The following DCDC2 variants were observed in gnomAD, a reference collection of about 807,000 sequenced individuals.
The protein encoded by DCDC2 is doublecortin domain containing 2.
Under a neutral mutation model 50.2 loss-of-function variants are expected in DCDC2, and 40 were observed. The observed-to-expected ratio is 0.80, with a 90% CI of 0.62 to 1.04. The LOEUF (loss-of-function observed/expected upper bound fraction) is 1.04, where lower values mean the gene tolerates loss of function less well. DCDC2 is among the 50% of genes least tolerant of loss of function. The pLI is 0.00. For missense variants in DCDC2, 570 were observed against 581.9 expected (o/e 0.98, Z 0.21); for synonymous variants, 234 against 210.6 (o/e 1.11, Z -0.96).
chr6:24,283,274 T>G (rs1455266438), intron 6 of DCDC2, among the ~76,000 whole-genome samples: 1 of 151,722 alleles, frequency 6.6e-6, no homozygotes, highest in Non-Finnish European at 1.5e-5. Context: ...CAACTTAAAA[T>G]TTTTCTCAAC....
Position 24,285,088 on chromosome 6 carries a change from T to C in DCDC2, c.759+3764A>G, listed in dbSNP as rs1763568119. On this transcript the variant is annotated intron_variant, in intron 6 of 9. Transcript: ENST00000378454. The stretch of plus-strand genomic sequence containing the variant: ...CACACTAGAATGAAAGCACCATAAA[T>C]CTAAGTCCTCATCTATCTACCACTA... Among the ~76,000 whole-genome samples the C allele has an allele frequency of 4.0e-5, 6 of 151,814 alleles. 1 individual carries two copies. In the South Asian group the frequency reaches 1.2e-3, roughly 32 times the overall value.
intron 8 of DCDC2, among the ~76,000 whole-genome samples, chr6:24,191,476 G>A (rs948205083): frequency 6.6e-6 from 1 of 152,152 alleles, no homozygotes; most frequent in African/African-American, 2.4e-5. Flanking sequence ...CCAGGGACAG[G>A]TCAAAAAACA....
At chr6:24,196,678 G>T (rs1279153581) in intron 8 of DCDC2, among the ~76,000 whole-genome samples, 1 of 152,160 alleles carries the variant, frequency 6.6e-6, no homozygotes, top group Non-Finnish European at 1.5e-5. Context: ...GACCACCTCA[G>T]CCTCCCAGAA....
chr6:24,199,249 A>C (rs1040721670), intron 8 of DCDC2, among the ~76,000 whole-genome samples: 3 of 152,226 alleles, frequency 2.0e-5, no homozygotes, highest in Admixed American at 1.3e-4. Flanking sequence ...CAGACACCTC[A>C]TAACAGGAGA....
chr6:24,206,709 AAAG>A (rs1447250635), intron 7 of DCDC2, among the ~76,000 whole-genome samples: 5 of 152,252 alleles, frequency 3.3e-5, no homozygotes, highest in Non-Finnish European at 7.3e-5. Context: ...TTTTACCAGA[AAAG>A]AAGAATACAA....
intron 8 of DCDC2, among the ~76,000 whole-genome samples, chr6:24,203,977 G>A (rs555151608): frequency 7.9e-5 from 12 of 152,300 alleles, no homozygotes; most frequent in African/African-American, 1.2e-4. Context: ...TCATTAATAA[G>A]TCAGGAGGCA....
intron 8 of DCDC2, among the ~76,000 whole-genome samples, chr6:24,193,749 T>A (rs1325822196): frequency 6.6e-6 from 1 of 152,120 alleles, no homozygotes; most frequent in East Asian, 1.9e-4. Context: ...TATCTGTATG[T>A]GTTTGTATGT....
chr6:24,207,902 T>G (rs1460102631), intron 7 of DCDC2, among the ~76,000 whole-genome samples: 1 of 152,216 alleles, frequency 6.6e-6, no homozygotes, highest in Non-Finnish European at 1.5e-5. Flanking sequence ...TTTGATACAA[T>G]TAATTCAAAA....
At chr6:24,337,838 T>C (rs572994227) in intron 2 of DCDC2, among the ~76,000 whole-genome samples, 1 of 151,716 alleles carries the variant, frequency 6.6e-6, no homozygotes, top group Non-Finnish European at 1.5e-5. Flanking sequence ...TGAAAGAATA[T>C]TTTATCCCTT....
intron 7 of DCDC2, among the ~76,000 whole-genome samples, chr6:24,237,747 G>A (rs916029100): frequency 2.6e-5 from 4 of 152,112 alleles, no homozygotes. Context: ...CCATAAAAAA[G>A]AATGAAATCA....
chr6:24,281,937 C>T (rs1055588417), intron 6 of DCDC2, among the ~76,000 whole-genome samples: 2 of 152,170 alleles, frequency 1.3e-5, no homozygotes, highest in African/African-American at 4.8e-5. Flanking sequence ...GATTTTTCTA[C>T]TACACTGAAA....
chr6:24,348,708 ATTT>A (rs1400113873), intron 2 of DCDC2, among the ~76,000 whole-genome samples: 1 of 152,206 alleles, frequency 6.6e-6, no homozygotes, highest in African/African-American at 2.4e-5. Context: ...GGTCTATTAT[ATTT>A]TAAACCATTT....
chr6:24,237,186 TAAA>T (rs60077867), intron 7 of DCDC2, among the ~76,000 whole-genome samples: 1 of 146,994 alleles, frequency 6.8e-6, no homozygotes, highest in Non-Finnish European at 1.5e-5. Context: ...CATGAAAAGG[TAAA>T]AAAAAAAAAT....
intron 8 of DCDC2, among the ~76,000 whole-genome samples, chr6:24,193,478 G>A (rs1388378989): frequency 6.6e-6 from 1 of 152,174 alleles, no homozygotes; most frequent in Non-Finnish European, 1.5e-5. Context: ...CTGAATGTAT[G>A]TGAATGTATC....
the DCDC2 span, among the ~76,000 whole-genome samples, chr6:24,378,756 G>C: frequency 2.0e-5 from 3 of 152,080 alleles, no homozygotes; most frequent in Admixed American, 2.0e-4. Flanking sequence ...CAGCCTAGCA[G>C]CTTCTAATTC....
At chr6:24,338,970 T>C (rs1304929710) in intron 2 of DCDC2, among the ~76,000 whole-genome samples, 2 of 152,104 alleles carry the variant, frequency 1.3e-5, no homozygotes, top group Non-Finnish European at 2.9e-5. Context: ...AGGAAAAAGA[T>C]AAATTACTTT....
chr6:24,351,073 G>A (rs6940827), intron 2 of DCDC2, among the ~76,000 whole-genome samples: 64,837 of 151,934 alleles, frequency 0.43, 15,228 homozygotes, highest in African/African-American at 0.64. Flanking sequence ...TTTTCCACTC[G>A]TGCTCTACCT....
intron 7 of DCDC2, among the ~76,000 whole-genome samples, chr6:24,261,580 G>A (rs1268931287): frequency 1.3e-5 from 2 of 152,156 alleles, no homozygotes; most frequent in East Asian, 3.9e-4. Flanking sequence ...TCTAAGGTGT[G>A]TTTCATGGGC....
At chr6:24,337,939 C>T (rs1025337498) in intron 2 of DCDC2, among the ~76,000 whole-genome samples, 5 of 151,860 alleles carry the variant, frequency 3.3e-5, no homozygotes, top group African/African-American at 1.2e-4. Flanking sequence ...ATTTTAAAAC[C>T]CTTCACTCCC....
Sources: allele counts gnomAD v4.1 joint callset (sites outside exome capture counted in the v4.1 genomes callset), GRCh38; gene constraint gnomAD v4.1.1; transcripts MANE v1.5; gene names NCBI Gene and HGNC (gene_info 2026-07-23, HGNC 2026-07-21).